TNS1: variants seen among roughly 807,000 people sequenced by gnomAD.
TNS1 encodes tensin-1.
A neutral mutation model predicts 168.6 loss-of-function variants in TNS1; 62 were observed. That is an observed-to-expected ratio of 0.37 (90% confidence interval 0.30 to 0.45). The LOEUF is 0.45. Among genes scored for constraint, TNS1 ranks in the 20% least tolerant of loss-of-function variants. The pLI is 1.00. For synonymous variants in TNS1, 934 were observed against 933.2 expected (o/e 1.00, Z -0.02); for missense variants, 2,240 against 2,339.4 (o/e 0.96, Z 0.88).
chr2:217,922,953 A>G (rs3791913), intron 3 of TNS1, among the ~76,000 whole-genome samples: 64,678 of 151,954 alleles, frequency 0.43, 17,052 homozygotes, highest in African/African-American at 0.76. Context: ...TTTTTAAGCA[A>G]AGAAATGTTT....
chr2:217,831,382 G>A (rs1051612545), intron 22 of TNS1, 73 bp downstream of exon 22: 63 of 1,343,466 alleles, frequency 4.7e-5, no homozygotes, highest in African/African-American at 1.2e-4. Context: ...TCTGAGACCC[G>A]GGTTTCTGTC....
chr2:217,959,237 C>T (rs995399516), intron 3 of TNS1, among the ~76,000 whole-genome samples: 9 of 152,240 alleles, frequency 5.9e-5, no homozygotes, highest in African/African-American at 1.9e-4. Flanking sequence ...GTAGTAATAG[C>T]AACTTCTTCA....
chr2:217,839,757 A>G (rs61616923), intron 19 of TNS1, among the ~76,000 whole-genome samples: 61,742 of 152,018 alleles, frequency 0.41, 12,537 homozygotes, highest in South Asian at 0.47. Flanking sequence ...TCACAGACCC[A>G]GCTCTTCTTT....
At chr2:218,030,376 C>A (rs1274219660) in intron 1 of TNS1, among the ~76,000 whole-genome samples, 2 of 152,240 alleles carry the variant, frequency 1.3e-5, no homozygotes, top group Admixed American at 1.3e-4. Context: ...TCACCCATCA[C>A]ATCCTGAACT....
intron 2 of TNS1, among the ~76,000 whole-genome samples, chr2:217,984,193 C>T (rs1226352901): frequency 1.3e-5 from 2 of 152,166 alleles, no homozygotes; most frequent in South Asian, 4.1e-4. Context: ...AAATAAATCT[C>T]TTTTTTTCTA....
chr2:217,873,388 C>T (rs1949941960), intron 18 of TNS1, among the ~76,000 whole-genome samples: 2 of 152,186 alleles, frequency 1.3e-5, no homozygotes, highest in African/African-American at 4.8e-5. Flanking sequence ...GCTTCTCCCT[C>T]ATCTCAGTGA....
At chr2:217,911,675 G>A (rs1262735340) in intron 4 of TNS1, among the ~76,000 whole-genome samples, 2 of 152,116 alleles carry the variant, frequency 1.3e-5, no homozygotes, top group Non-Finnish European at 2.9e-5. Context: ...GGAAACTGAG[G>A]GCCTGGGAGA....
intron 29 of TNS1, 70 bp from the exon 30 acceptor site, chr2:217,810,061 C>T: frequency 6.5e-7 from 1 of 1,544,734 alleles, no homozygotes; most frequent in South Asian, 1.2e-5. Context: ...CAGATCCATT[C>T]TTCAGGGAGA....
intron 1 of TNS1, among the ~76,000 whole-genome samples, chr2:218,002,166 C>T (rs1427006873): frequency 6.6e-6 from 1 of 152,142 alleles, no homozygotes; most frequent in Non-Finnish European, 1.5e-5. Context: ...GGCCTCTCTG[C>T]TGGCCCCCCT....
intron 4 of TNS1, among the ~76,000 whole-genome samples, chr2:217,909,582 C>CACACACACAT (rs1181122568): frequency 8.6e-5 from 13 of 151,680 alleles, no homozygotes; most frequent in Admixed American, 2.6e-4. Flanking sequence ...CACACACACA[C>CACACACACAT]ACACACACAC....
intron 3 of TNS1, among the ~76,000 whole-genome samples, chr2:217,942,551 A>G (rs1956965976): frequency 6.6e-6 from 1 of 152,170 alleles, no homozygotes; most frequent in Non-Finnish European, 1.5e-5. Flanking sequence ...AGTGGCCACC[A>G]GCTGGCAGGG....
Position 217,817,835 on chromosome 2 carries a change from T to C in TNS1, c.4497A>G (p.Gly1499=). ...ALPEKRRMSV[G]DRAGSLPNYA... ...AGTTGGGGAGGCTGCCTGCCCGGTC[T>C]CCCACTGACATCCTTCGCTTCTCTG... is the stretch of plus-strand genomic sequence containing the variant. The change falls in exon 24 of 33, where the codon GGA becomes GGG. Residue 1499 remains glycine, a synonymous_variant. Transcript: ENST00000682258. 6.2e-7 allele frequency: 1 copy of C among 1,614,214 alleles called. No homozygotes were observed.
At chr2:217,883,896 C>G (rs1574942443) in intron 16 of TNS1, among the ~76,000 whole-genome samples, 2 of 152,174 alleles carry the variant, frequency 1.3e-5, no homozygotes, top group Admixed American at 1.3e-4. Context: ...CAGATCACTG[C>G]CCACTGCATG....
Position 217,986,868 on chromosome 2 carries a change from A to G in TNS1, c.148+4074T>C, listed in dbSNP as rs1037843784. The G allele has an allele frequency of 1.3e-5, 2 of 152,222 alleles. No individual in the cohort carries two copies. Among genetic ancestry groups the G allele is most frequent in the Admixed American group, 1.3e-4 (2 of 15,282 alleles). 9.4% of individuals were successfully genotyped at this position (152,222 alleles called of 1,614,324 possible). The stretch of plus-strand genomic sequence containing the variant: ...CTGGCTCTCAGCACCAGGACCTGGC[A>G]CAGCATCTGACCCAGAGGACAGCTC... On this transcript the variant is annotated intron_variant, in intron 2 of 32. Transcript: ENST00000682258. The surrounding 1 kb of genome is among the most constrained non-coding windows in gnomAD (Gnocchi z 4.7).
intron 3 of TNS1, among the ~76,000 whole-genome samples, chr2:217,973,890 T>C (rs1957829607): frequency 6.6e-6 from 1 of 152,200 alleles, no homozygotes; most frequent in Admixed American, 6.5e-5. Flanking sequence ...CAAATGGCAA[T>C]CAACAGTGGA....
rs17523338 is a variant in TNS1, at chr2:217,944,325, C to CCTGGGGA, written c.187-24096_187-24090dup. 1.8e-4 allele frequency among the ~76,000 whole-genome samples: 27 copies of CCTGGGGA among 152,322 alleles called. No individual in the cohort carries two copies. The East Asian group carries it at 5.2e-3, about 29-fold the overall frequency. Reference sequence around the variant, plus strand: ...CTTCAGCCACTGGCCCAGCAGCTTCCCTGGGGACAGGACGGGAAGGGCCAG... The same window carrying CCTGGGGA: ...CTTCAGCCACTGGCCCAGCAGCTTCCCTGGGGACTGGGGACAGGACGGGAAGGGCCAG... On this transcript the variant is annotated intron_variant, in intron 3 of 32. Coordinates refer to ENST00000682258, the MANE Select transcript of TNS1 (RefSeq NM_001387777.1).
rs188472646 is a variant in TNS1, at chr2:218,029,510, G to A, written c.156+4310C>T. Among the ~76,000 whole-genome samples, 103 of 152,330 alleles carry A rather than the reference G, an allele frequency of 6.8e-4. 1 individual carries two copies. The highest frequency in any genetic ancestry group is 1.2e-3 in the Non-Finnish European group (80 of 68,032). On this transcript the variant is annotated intron_variant, in intron 1 of 1. Transcript: ENST00000649572. ...GCCCAAAACTAGAAATGACTCGAAC[G>A]CCTGTCAATAGCAGAATGGATAAAT...
At chr2:217,886,928 ATC>A (rs1951259165) in intron 12 of TNS1, among the ~76,000 whole-genome samples, 1 of 152,080 alleles carries the variant, frequency 6.6e-6, no homozygotes, top group South Asian at 2.1e-4. Flanking sequence ...CAACATGAAT[ATC>A]TCTTTCCTGC....
chr2:217,913,907 T>A (rs1455208212), intron 4 of TNS1, among the ~76,000 whole-genome samples: 1 of 152,094 alleles, frequency 6.6e-6, no homozygotes, highest in African/African-American at 2.4e-5. Context: ...CAAGGGTTGT[T>A]TGGGCCCTGG....
Sources: allele counts gnomAD v4.1 joint callset (sites outside exome capture counted in the v4.1 genomes callset), GRCh38; gene constraint gnomAD v4.1.1; non-coding constraint Gnocchi (gnomAD v3.1); transcripts MANE v1.5; gene names NCBI Gene and HGNC (gene_info 2026-07-23, HGNC 2026-07-21).